The following ZNF518A variants were observed in gnomAD, a reference collection of about 807,000 sequenced individuals.
The protein encoded by ZNF518A is zinc finger protein 518A, also known as zinc finger protein 518.
Under a neutral mutation model 102.7 loss-of-function variants are expected in ZNF518A, and 47 were observed. The ratio of observed to expected loss-of-function variants is 0.46; its 90% CI spans 0.36 to 0.58. The LOEUF is 0.58. Among genes scored for constraint, ZNF518A ranks in the 20% least tolerant of loss-of-function variants. The pLI is 0.00. For missense variants in ZNF518A, 1,793 were observed against 1,699.8 expected, an observed-to-expected ratio of 1.05 and a Z score of -0.96; for synonymous variants, 652 against 594.6, an observed-to-expected ratio of 1.10 and a Z score of -1.40.
chr10:96,141,179 A>T (rs2081905313), intron 3 of ZNF518A, among the ~76,000 whole-genome samples: 1 of 152,244 alleles, frequency 6.6e-6, no homozygotes, highest in Non-Finnish European at 1.5e-5. Context: ...AATGAGAAAT[A>T]GTAAGTAAAA....
intron 1 of ZNF518A, among the ~76,000 whole-genome samples, chr10:96,188,800 A>G (rs2083288234): frequency 6.6e-6 from 1 of 152,218 alleles, no homozygotes; most frequent in South Asian, 2.1e-4. Flanking sequence ...TATGGCCGCC[A>G]TAATAAACTG....
intron 3 of ZNF518A, among the ~76,000 whole-genome samples, chr10:96,141,656 G>T (rs914437036): frequency 6.6e-6 from 1 of 152,000 alleles, no homozygotes; most frequent in Admixed American, 6.5e-5. Flanking sequence ...AGATACACTA[G>T]AATTTTGAAC....
At chr10:96,185,990 C>G (rs2083269756) in intron 1 of ZNF518A, among the ~76,000 whole-genome samples, 1 of 152,264 alleles carries the variant, frequency 6.6e-6, no homozygotes, top group Non-Finnish European at 1.5e-5. Flanking sequence ...GCTGCACTAG[C>G]AGTGAGCAAG....
chr10:96,179,981 C>G (rs144596644), intron 1 of ZNF518A, among the ~76,000 whole-genome samples: 1 of 150,642 alleles, frequency 6.6e-6, no homozygotes, highest in African/African-American at 2.4e-5. Flanking sequence ...TGGGTTCAAG[C>G]GATTCTCCTT....
intron 1 of ZNF518A, among the ~76,000 whole-genome samples, chr10:96,175,582 G>A (rs1554891341): frequency 6.6e-6 from 1 of 152,206 alleles, no homozygotes; most frequent in African/African-American, 2.4e-5. Context: ...AGGCAGGTCT[G>A]ATAACTGGAG....
intron 1 of ZNF518A, among the ~76,000 whole-genome samples, chr10:96,197,599 GA>G (rs1181986569): frequency 1.3e-5 from 2 of 151,892 alleles, no homozygotes; most frequent in Admixed American, 6.6e-5. Flanking sequence ...AGTTGTCTAT[GA>G]AAAAAAATGT....
intron 1 of ZNF518A, among the ~76,000 whole-genome samples, chr10:96,192,758 ATAAT>A (rs1351599411): frequency 3.3e-5 from 5 of 152,272 alleles, no homozygotes; most frequent in African/African-American, 4.8e-5. Context: ...GTTCTGAAAA[ATAAT>A]TAAAGTTTTG....
At chr10:96,150,815 C>T (rs1382827356) in intron 3 of ZNF518A, among the ~76,000 whole-genome samples, 2 of 120,710 alleles carry the variant, frequency 1.7e-5, no homozygotes, top group Non-Finnish European at 3.2e-5. Context: ...GGCGTGATCT[C>T]GGCTCACTGC....
Position 96,160,209 on chromosome 10 carries a change from A to G in ZNF518A, c.3887A>G (p.His1296Arg). 1 of 1,611,852 alleles carries G rather than the reference A, an allele frequency of 6.2e-7. No homozygotes were observed. The highest frequency in any genetic ancestry group is 8.5e-7 in the Non-Finnish European group (1 of 1,179,010). Residue 1296 changes from histidine to arginine, a missense_variant, in exon 6 of 6, where the codon CAT (histidine) becomes CGT (arginine). Transcript: ENST00000316045. Reference protein sequence around the residue: ...QEPPRRKATLHRKCKEKAKPE... With the variant: ...QEPPRRKATLRRKCKEKAKPE... ...CCTCCAAGAAGAAAAGCAACATTGC[A>G]TAGAAAGTGTAAAGAAAAGGCAAAA...
At chr10:96,133,384 A>G (rs2081436538) in intron 2 of ZNF518A, among the ~76,000 whole-genome samples, 199 bp from the exon 3 acceptor site, 1 of 152,148 alleles carries the variant, frequency 6.6e-6, no homozygotes, top group South Asian at 2.1e-4. Context: ...GGGAATCACT[A>G]TAGTGTTATG....
chr10:96,164,348 G>A (rs1417463239), downstream of ZNF518A, among the ~76,000 whole-genome samples: 1 of 152,166 alleles, frequency 6.6e-6, no homozygotes, highest in Admixed American at 6.5e-5. Flanking sequence ...CAACTTGTTA[G>A]GATCCTTGCT....
chr10:96,137,874 GA>G (rs2081688167), intron 3 of ZNF518A, among the ~76,000 whole-genome samples: 1 of 151,720 alleles, frequency 6.6e-6, no homozygotes, highest in African/African-American at 2.4e-5. Context: ...TTTCCTCTTG[GA>G]TGTCAAATAG....
chr10:96,160,353 A>G lies in ZNF518A; in HGVS notation c.4031A>G (p.Asn1344Ser). The G allele has an allele frequency of 6.2e-7, 1 of 1,613,556 alleles. No individual in the cohort carries two copies. The highest frequency in any genetic ancestry group is 1.7e-5 in the Admixed American group (1 of 59,990). The change falls in exon 6 of 6, where the codon AAC becomes AGC. Residue 1344 changes from asparagine (N) to serine (S), a missense_variant. Physicochemically the swap from Asn to Ser is conservative, Grantham distance 46. Coordinates refer to ENST00000316045, the MANE Select transcript of ZNF518A (RefSeq NM_001330736.2). ...CAGCTTGTGAAATGTCCTAGGAGAA[A>G]CCAACCAGTTGTAGTTTTGAATCAT... ...SKQLVKCPRR[N>S]QPVVVLNHPD...
chr10:96,132,712 G>A (rs2081399452), intron 2 of ZNF518A, 42 bp downstream of exon 2: 1 of 151,996 alleles, frequency 6.6e-6, no homozygotes, highest in Admixed American at 6.5e-5. Flanking sequence ...AGTCTATTAA[G>A]TAGTAAGTTG....
chr10:96,163,032 C>G lies in ZNF518A; in HGVS notation c.*2258C>G, dbSNP rs1377183514. 1.2e-5 allele frequency: 2 copies of G among 166,984 alleles called. No individual in the cohort carries two copies. Among genetic ancestry groups the G allele is most frequent in the East Asian group, 3.8e-4 (2 of 5,210 alleles). 10.3% of individuals were successfully genotyped at this position (166,984 alleles called of 1,614,324 possible). A position where few individuals can be genotyped will look rare whatever the true frequency, so the allele number is the denominator to read the frequency against. On this transcript the variant is annotated 3_prime_UTR_variant, in exon 6 of 6. Coordinates refer to ENST00000316045, the MANE Select transcript of ZNF518A (RefSeq NM_001330736.2). ...TGTTACATATAGATCTGTTATGAGACATCACCTGCTGTAAATAGCAAGGAG... is the reference window on the plus strand; with the variant it reads ...TGTTACATATAGATCTGTTATGAGAGATCACCTGCTGTAAATAGCAAGGAG...
rs2083178127 is a variant in ZNF518A at position 96,172,207 on chromosome 10, G to A, written n.35+16160G>A. Among the ~76,000 whole-genome samples the A allele has an allele frequency of 1.3e-5, 2 of 152,114 alleles. 1 individual carries two copies. Among genetic ancestry groups the A allele is most frequent in the Admixed American group, 1.3e-4 (2 of 15,294 alleles). ...CATGAAAGTAAGTAAGTATAAAAGAGAATATAATTGCATCTTTATTTTCCT... is the reference window on the plus strand; with the variant it reads ...CATGAAAGTAAGTAAGTATAAAAGAAAATATAATTGCATCTTTATTTTCCT... On this transcript the variant is annotated intron_variant and non_coding_transcript_variant, in intron 1 of 2. Transcript: ENST00000442635.
At chr10:96,202,196 G>A (rs1170432686) in intron 1 of ZNF518A, among the ~76,000 whole-genome samples, 1 of 152,190 alleles carries the variant, frequency 6.6e-6, no homozygotes, top group Non-Finnish European at 1.5e-5. Context: ...TGACTCAAGA[G>A]CTGTAATGAA....
At chr10:96,143,445 C>T (rs1554877308) in intron 3 of ZNF518A, among the ~76,000 whole-genome samples, 1 of 152,040 alleles carries the variant, frequency 6.6e-6, no homozygotes, top group East Asian at 1.9e-4. Context: ...TTTCTTTATT[C>T]TGTTCTTGTG....
At chr10:96,185,332 C>T (rs2083265661) in intron 1 of ZNF518A, among the ~76,000 whole-genome samples, 1 of 152,192 alleles carries the variant, frequency 6.6e-6, no homozygotes, top group Admixed American at 6.5e-5. Context: ...CTCCGTCCAG[C>T]TTTGTTCCGT....
Sources: allele counts gnomAD v4.1 joint callset (sites outside exome capture counted in the v4.1 genomes callset), GRCh38; gene constraint gnomAD v4.1.1; transcripts MANE v1.5; gene names NCBI Gene and HGNC (gene_info 2026-07-23, HGNC 2026-07-21).